Variants in DPP8 observed in about 807,000 individuals in gnomAD.
DPP8 encodes dipeptidyl peptidase 8.
A neutral mutation model predicts 107.5 loss-of-function variants in DPP8; 31 were observed. The observed-to-expected ratio is 0.29, with a 90% CI of 0.22 to 0.39. DPP8 has a LOEUF of 0.39. Among genes scored for constraint, DPP8 ranks in the 10% least tolerant of loss-of-function variants. The pLI, the probability that DPP8 is intolerant of heterozygous loss-of-function variation, is 1.00. For synonymous variants in DPP8, 381 were observed against 356.6 expected (o/e 1.07, Z -0.77); for missense variants, 842 against 1,076.1 (o/e 0.78, Z 3.04).
intron 8 of DPP8, among the ~76,000 whole-genome samples, chr15:65,483,013 C>T (rs994108191): frequency 1.3e-5 from 2 of 151,966 alleles, no homozygotes; most frequent in African/African-American, 4.8e-5. Context: ...AGGAGAATGG[C>T]GTGAACCCGG....
intron 9 of DPP8, 123 bp from the exon 10 acceptor site, chr15:65,480,522 T>C (rs1299715780): frequency 1.7e-5 from 10 of 576,864 alleles, no homozygotes; most frequent in Non-Finnish European, 2.9e-5. Flanking sequence ...ACTGCTTTAG[T>C]GTATATTAAA....
At chr15:65,507,743 A>G (rs1307422036) in intron 2 of DPP8, among the ~76,000 whole-genome samples, 1 of 152,128 alleles carries the variant, frequency 6.6e-6, no homozygotes, top group Non-Finnish European at 1.5e-5. Context: ...GTCCCTCTCA[A>G]AATAAATATA....
intron 17 of DPP8, among the ~76,000 whole-genome samples, chr15:65,453,234 A>G (rs750867468): frequency 1.3e-5 from 2 of 152,208 alleles, no homozygotes; most frequent in Non-Finnish European, 2.9e-5. Flanking sequence ...TGAAGATACA[A>G]TGGTGTACAG....
rs1306996070 is a variant in DPP8 at position 65,491,445 on chromosome 15, C to CCAGT, written c.716-1150_716-1147dup. Among the ~76,000 whole-genome samples, 3 of 152,240 alleles carry CCAGT rather than the reference C, an allele frequency of 2.0e-5. No homozygotes were observed. The East Asian group carries it at 5.8e-4, about 29-fold the overall frequency. The stretch of plus-strand genomic sequence containing the variant: ...CACATCCCTATCGCCACTTACACTT[C>CCAGT]CAGTACTCATGCTCCTTCCCAGTCA... On this transcript the variant is annotated intron_variant, in intron 5 of 19. Transcript: ENST00000300141.
chr15:65,448,690 A>AT (rs1491284648), intron 19 of DPP8, among the ~76,000 whole-genome samples: 1,317 of 112,074 alleles, frequency 0.012, 92 homozygotes, highest in African/African-American at 0.039. Context: ...AAAAAAAAAA[A>AT]ATATATATAT....
At chr15:65,494,163 T>TTTTTTTTTTA (rs3985661) in intron 5 of DPP8, among the ~76,000 whole-genome samples, 1 of 148,714 alleles carries the variant, frequency 6.7e-6, no homozygotes. Context: ...TTTTTTTTTT[T>TTTTTTTTTTA]AGAGACAGGG....
At chr15:65,507,940 T>C (rs912127610) in intron 2 of DPP8, among the ~76,000 whole-genome samples, 1 of 152,110 alleles carries the variant, frequency 6.6e-6, no homozygotes, top group South Asian at 2.1e-4. Context: ...TTTTTATTCA[T>C]TATAAAAGTT....
intron 2 of DPP8, among the ~76,000 whole-genome samples, chr15:65,507,714 T>C (rs2070240151): frequency 6.6e-6 from 1 of 151,448 alleles, no homozygotes; most frequent in African/African-American, 2.4e-5. Flanking sequence ...TCAGGTTTCA[T>C]TTTGGTATTC....
At chr15:65,450,124 T>G (rs2063868529) in intron 19 of DPP8, among the ~76,000 whole-genome samples, 1 of 103,974 alleles carries the variant, frequency 9.6e-6, no homozygotes, top group African/African-American at 3.4e-5. Flanking sequence ...TGAGCCACCA[T>G]GCCTGACTAA....
chr15:65,471,369 G>A (rs2065881888), intron 12 of DPP8, among the ~76,000 whole-genome samples: 1 of 151,974 alleles, frequency 6.6e-6, no homozygotes, highest in South Asian at 2.1e-4. Flanking sequence ...TTGTTTTGAG[G>A]CGGGTATCAT....
At chr15:65,450,366 G>A (rs1408310370) in intron 19 of DPP8, among the ~76,000 whole-genome samples, 1 of 152,094 alleles carries the variant, frequency 6.6e-6, no homozygotes, top group Non-Finnish European at 1.5e-5. Context: ...AAGTTCTTTG[G>A]TAGGTAAAGG....
intron 1 of DPP8, chr15:65,517,052 A>G (rs1421760258): frequency 6.5e-6 from 1 of 153,018 alleles, no homozygotes; most frequent in Non-Finnish European, 1.5e-5. Context: ...AAAGACCACC[A>G]GCTGAAAAAC....
intron 5 of DPP8, among the ~76,000 whole-genome samples, chr15:65,492,287 A>G (rs1345076013): frequency 6.6e-6 from 1 of 152,026 alleles, no homozygotes; most frequent in African/African-American, 2.4e-5. Context: ...GGATGCAGTG[A>G]GCCGAGATCA....
rs764790810 is a variant in DPP8, at chr15:65,479,055, C to A, written c.1297-16G>T. The A allele has an allele frequency of 7.3e-6, 11 of 1,511,130 alleles. No individual in the cohort carries two copies. In the East Asian group the frequency reaches 2.6e-4, roughly 36 times the overall value. The allele number at this position is 1,511,130 out of a possible 1,614,324, so 93.6% of individuals were successfully genotyped here. A position where few individuals can be genotyped will look rare whatever the true frequency, so the allele number is the denominator to read the frequency against. On this transcript the variant is annotated splice_polypyrimidine_tract_variant and intron_variant, in intron 10 of 19. Transcript: ENST00000300141. ...TGTCATGGATCTGTAAAATGAATAG[C>A]TAAATTTACTATACATATTATGAAA... is the stretch of plus-strand genomic sequence containing the variant.
At chr15:65,455,547 A>C (rs1008067312) in intron 16 of DPP8, 1 of 545,496 alleles carries the variant, frequency 1.8e-6, no homozygotes, top group African/African-American at 2.0e-5. Flanking sequence ...TACTTCTTTA[A>C]AGTCCTAATT....
At chr15:65,495,014 G>A (rs979388701) in intron 5 of DPP8, among the ~76,000 whole-genome samples, 20 of 151,932 alleles carry the variant, frequency 1.3e-4, no homozygotes, top group African/African-American at 4.6e-4. Flanking sequence ...CCTTTCCATG[G>A]ACCCTCATAT....
intron 12 of DPP8, among the ~76,000 whole-genome samples, chr15:65,472,561 A>C (rs2065983932): frequency 6.6e-6 from 1 of 152,116 alleles, no homozygotes; most frequent in South Asian, 2.1e-4. Context: ...TCATCTCCCA[A>C]AGGGCTGGAT....
At chr15:65,447,872 G>C (rs919393634) in intron 19 of DPP8, among the ~76,000 whole-genome samples, 3 of 152,102 alleles carry the variant, frequency 2.0e-5, no homozygotes, top group African/African-American at 7.2e-5. Context: ...CCAATACTTA[G>C]ACACTTTTCC....
chr15:65,454,201 T>C lies in DPP8; in HGVS notation c.2271+62A>G, dbSNP rs544923925. The C allele has an allele frequency of 4.6e-5, 54 of 1,162,580 alleles. No homozygotes were observed. The East Asian group carries it at 1.4e-3, about 31-fold the overall frequency. The allele number at this position is 1,162,580 out of a possible 1,614,324, so 72.0% of individuals were successfully genotyped here. The stretch of plus-strand genomic sequence containing the variant: ...TTCAGAAAATAGACATTTTCATATA[T>C]CCTCCATTTACAGAAAAATCTACCC... On this transcript the variant is annotated intron_variant, in intron 17 of 19. Transcript: ENST00000300141.
Sources: allele counts gnomAD v4.1 joint callset (sites outside exome capture counted in the v4.1 genomes callset), GRCh38; gene constraint gnomAD v4.1.1; transcripts MANE v1.5; gene names NCBI Gene and HGNC (gene_info 2026-07-23, HGNC 2026-07-21).